RECK: variants seen among roughly 807,000 people sequenced by gnomAD.
RECK encodes the protein reversion-inducing cysteine-rich protein with Kazal motifs.
Under a neutral mutation model 115.1 loss-of-function variants are expected in RECK, and 69 were observed. That is an observed-to-expected ratio of 0.60 (90% confidence interval 0.49 to 0.73). The LOEUF (loss-of-function observed/expected upper bound fraction) is 0.73. Ranked by LOEUF, RECK falls within the 30% of genes least tolerant of loss-of-function variation. The probability of loss-of-function intolerance (pLI) is 0.00; values close to 1 mark genes in which losing one functional copy is unlikely to be tolerated. For synonymous variants in RECK, 414 were observed against 419.7 expected, an observed-to-expected ratio of 0.99 and a Z score of 0.17; for missense variants, 1,047 against 1,203.7, an observed-to-expected ratio of 0.87 and a Z score of 1.93.
At chr9:36,072,685 T>G (rs1822279562) in intron 6 of RECK, 1 of 152,196 alleles carries the variant, frequency 6.6e-6, no homozygotes, top group Admixed American at 6.5e-5. Flanking sequence ...TCACAGTAGA[T>G]TTGAGCCGTT....
intron 1 of RECK, 89 bp downstream of exon 1, chr9:36,037,187 G>A (rs1431435074): frequency 7.1e-6 from 6 of 849,276 alleles, no homozygotes; most frequent in East Asian, 8.1e-5. Context: ...GCGGGGGTGC[G>A]CGCGACCCCC....
Position 36,105,833 on chromosome 9 carries a change from A to G in RECK, c.1576+550A>G, listed in dbSNP as rs539125005. Among the ~76,000 whole-genome samples the G allele has an allele frequency of 5.3e-5, 8 of 152,336 alleles. No homozygotes were observed. In the South Asian group the frequency reaches 1.7e-3, roughly 32 times the overall value. ...TATGATAGTCTTTATCTTTCTGTCA[A>G]TCCCTTTAGAATATAGTTGTTGCAA... On this transcript the variant is annotated intron_variant, in intron 13 of 20. Coordinates refer to ENST00000377966, the MANE Select transcript of RECK (RefSeq NM_021111.3).
At chr9:36,064,101 C>A (rs1486252437) in intron 5 of RECK, among the ~76,000 whole-genome samples, 1 of 152,116 alleles carries the variant, frequency 6.6e-6, no homozygotes. Context: ...TCTTATCATT[C>A]CTTGTCTCTG....
At chr9:36,105,847 T>C (rs1386387988) in intron 13 of RECK, among the ~76,000 whole-genome samples, 5 of 152,218 alleles carry the variant, frequency 3.3e-5, no homozygotes, top group Non-Finnish European at 7.3e-5. Context: ...CTTTAGAATA[T>C]AGTTGTTGCA....
chr9:36,040,887 T>A (rs190303484), intron 1 of RECK, among the ~76,000 whole-genome samples: 3 of 152,058 alleles, frequency 2.0e-5, no homozygotes, highest in East Asian at 3.9e-4. Context: ...AGGAAGAGCA[T>A]TTTGGAGGAG....
chr9:36,083,506 TA>T lies in RECK; in HGVS notation c.583del (p.Ile195TyrfsTer4). The T allele has an allele frequency of 6.2e-7, 1 of 1,614,000 alleles. No individual in the cohort carries two copies. Among genetic ancestry groups the T allele is most frequent in the Non-Finnish European group, 8.5e-7 (1 of 1,179,932 alleles). ...TATTGCGCCTCTATTAGTCCACAAT[TA>T]ATACATTGTGTGAACAATTATACTC... ...ENYCASISPQ[L>X]IHCVNNYTQS... On this transcript the variant is annotated frameshift_variant, in exon 8 of 21. Coordinates refer to ENST00000377966, the MANE Select transcript of RECK (RefSeq NM_021111.3). LOFTEE classifies it high-confidence loss of function.
intron 10 of RECK, among the ~76,000 whole-genome samples, chr9:36,092,343 A>G (rs1309980599): frequency 6.6e-6 from 1 of 151,952 alleles, no homozygotes; most frequent in Non-Finnish European, 1.5e-5. Flanking sequence ...GGTATTGGAG[A>G]CTGATCAAAA....
chr9:36,090,418 A>G (rs1823116028), intron 9 of RECK, among the ~76,000 whole-genome samples: 1 of 152,208 alleles, frequency 6.6e-6, no homozygotes, highest in Non-Finnish European at 1.5e-5. Flanking sequence ...AGGGGTAAAT[A>G]TGACAGTCAA....
chr9:36,064,990 C>G (rs897225308), intron 5 of RECK, among the ~76,000 whole-genome samples: 10 of 152,010 alleles, frequency 6.6e-5, no homozygotes, highest in African/African-American at 2.2e-4. Context: ...TCTCTAAGCA[C>G]CAGTTTCCTC....
chr9:36,115,181 G>A lies in RECK; in HGVS notation c.2061-1804G>A, dbSNP rs145470803. On this transcript the variant is annotated intron_variant, in intron 16 of 20. Transcript: ENST00000377966. ...AATATAAAAATTAGCTGGGCGTGGT[G>A]GCACACGCCTGTAATTCCAGCTACT... Among the ~76,000 whole-genome samples, 178 of 152,090 alleles carry A rather than the reference G, an allele frequency of 1.2e-3. 2 individuals are homozygous for A. The East Asian group carries it at 0.032, about 27-fold the overall frequency.
chr9:36,086,427 C>T (rs145970448), intron 8 of RECK, among the ~76,000 whole-genome samples: 5 of 152,168 alleles, frequency 3.3e-5, no homozygotes, highest in Non-Finnish European at 4.4e-5. Context: ...TTCGTGGTCT[C>T]GCTGACTTCA....
At chr9:36,066,769 C>G (rs1822018185) in intron 6 of RECK, 1 of 1,285,856 alleles carries the variant, frequency 7.8e-7, no homozygotes, top group Non-Finnish European at 1.0e-6. Context: ...TCTTCCATAG[C>G]CTGTCCTCCG....
intron 1 of RECK, among the ~76,000 whole-genome samples, chr9:36,046,089 T>G (rs1427357819): frequency 6.6e-6 from 1 of 152,246 alleles, no homozygotes; most frequent in Non-Finnish European, 1.5e-5. Flanking sequence ...AAATTTTATT[T>G]TGAATCATTC....
In RECK at chr9:36,052,335, T is replaced by A. The variant is rs1401549862; in HGVS notation, c.159+12T>A. ...ATGTATGTGAACAGGTAAGATTACATAATAATTACAGAGGCAGCCAGACAC... is the reference window on the plus strand; with the variant it reads ...ATGTATGTGAACAGGTAAGATTACAAAATAATTACAGAGGCAGCCAGACAC... On this transcript the variant is annotated intron_variant, in intron 2 of 20. Coordinates refer to ENST00000377966, the MANE Select transcript of RECK (RefSeq NM_021111.3). 6.3e-7 allele frequency: 1 copy of A among 1,592,674 alleles called. No homozygotes were observed. Among genetic ancestry groups the A allele is most frequent in the Non-Finnish European group, 8.6e-7 (1 of 1,160,934 alleles).
In RECK at chr9:36,087,727, C is replaced by T. The variant is rs771218019; in HGVS notation, c.671C>T (p.Ala224Val). 5.0e-6 allele frequency: 8 copies of T among 1,613,964 alleles called. No individual in the cohort carries two copies. The highest frequency in any genetic ancestry group is 1.1e-5 in the South Asian group (1 of 91,086). The change falls in exon 9 of 21, where the codon GCT (alanine) becomes GTT (valine). Residue 224 changes from alanine (A) to valine (V), a missense_variant. Coordinates refer to ENST00000377966, the MANE Select transcript of RECK (RefSeq NM_021111.3). ...TGCTGTGACAGAGCTGAAGACCATG[C>T]TTGCCAAAATGCCTGCAAGAGAATC... ...LYCCDRAEDH[A>V]CQNACKRILM...
At chr9:36,111,973 A>G (rs1173577623) in intron 15 of RECK, among the ~76,000 whole-genome samples, 5 of 149,890 alleles carry the variant, frequency 3.3e-5, no homozygotes, top group Non-Finnish European at 5.9e-5. Context: ...AAAAAAAAAA[A>G]TTAGCTGGGC....
chr9:36,045,748 G>T (rs756042555), intron 1 of RECK, among the ~76,000 whole-genome samples: 1 of 151,896 alleles, frequency 6.6e-6, no homozygotes, highest in Non-Finnish European at 1.5e-5. Context: ...GTGTGTATTT[G>T]TTTTTTTAAA....
chr9:36,120,320 G>A (rs1824414346), intron 18 of RECK, among the ~76,000 whole-genome samples: 1 of 152,146 alleles, frequency 6.6e-6, no homozygotes, highest in Non-Finnish European at 1.5e-5. Context: ...GGGAAACAAG[G>A]CCTGGCAGAA....
chr9:36,060,426 A>C (rs1821707544), intron 4 of RECK, among the ~76,000 whole-genome samples: 1 of 152,088 alleles, frequency 6.6e-6, no homozygotes, highest in African/African-American at 2.4e-5. Flanking sequence ...CCAAATTTTC[A>C]AATACATAAT....
Sources: gnomAD v4.1 joint callset for allele counts (sites outside exome capture counted in the v4.1 genomes callset) on GRCh38, gnomAD v4.1.1 for gene constraint, MANE v1.5 for transcripts, NCBI Gene and HGNC (gene_info 2026-07-23, HGNC 2026-07-21) for gene names.